The following KLRD1 variants were observed in gnomAD, a reference collection of about 807,000 sequenced individuals.
KLRD1 encodes killer cell lectin like receptor D1.
In KLRD1, 21 loss-of-function variants were observed where a neutral mutation model predicts 22.6. The ratio of observed to expected loss-of-function variants is 0.93; its 90% CI spans 0.66 to 1.34. The LOEUF is 1.34. Among genes scored for constraint, KLRD1 ranks in the 40% most tolerant of loss-of-function variants. The probability of loss-of-function intolerance (pLI) is 0.00; values close to 1 mark genes in which losing one functional copy is unlikely to be tolerated. For synonymous variants in KLRD1, 59 were observed against 71.1 expected (o/e 0.83, Z 0.85); for missense variants, 183 against 208.6 (o/e 0.88, Z 0.76).
rs778429778 is a variant in KLRD1, at chr12:10,315,417, TC to T, written c.*627del. ...CTGGGATTATAGGTGTGAACCACCA[TC>T]CCTGGCCCTCTTCACATTCTTGTAT... On this transcript the variant is annotated 3_prime_UTR_variant, in exon 6 of 6. Transcript: ENST00000336164. The T allele has an allele frequency of 1.2e-4, 27 of 221,712 alleles. No individual in the cohort carries two copies. Among genetic ancestry groups the T allele is most frequent in the Non-Finnish European group, 1.4e-4 (15 of 107,652 alleles). 13.7% of individuals were successfully genotyped at this position (221,712 alleles called of 1,614,324 possible).
At chr12:10,286,376 T>C (rs1949702755) in intron 1 of KLRD1, among the ~76,000 whole-genome samples, 1 of 152,226 alleles carries the variant, frequency 6.6e-6, no homozygotes, top group African/African-American at 2.4e-5. Flanking sequence ...TTAAATACCC[T>C]ATATGTTTAT....
upstream of KLRD1, among the ~76,000 whole-genome samples, chr12:10,303,535 A>G (rs1031500202): frequency 6.6e-6 from 1 of 152,202 alleles, no homozygotes; most frequent in Non-Finnish European, 1.5e-5. Flanking sequence ...AGATAATTTT[A>G]CTAATATAGA....
At chr12:10,295,700 CAG>C (rs1477507739) in intron 1 of KLRD1, among the ~76,000 whole-genome samples, 2 of 151,874 alleles carry the variant, frequency 1.3e-5, no homozygotes, top group African/African-American at 4.8e-5. Flanking sequence ...GTAAATAAAA[CAG>C]AAACATTTAC....
chr12:10,324,816 G>A lies in KLRD1; in HGVS notation c.*10023G>A, dbSNP rs372914611. 32 of 16,594 alleles carry A rather than the reference G, an allele frequency of 1.9e-3. No homozygotes were observed. Among genetic ancestry groups the A allele is most frequent in the Non-Finnish European group, 7.4e-3 (23 of 3,108 alleles). 1.0% of individuals were successfully genotyped at this position (16,594 alleles called of 1,614,324 possible). ...TAAGTATATATGTATATGTGTGTGT[G>A]TGTATATATATATATATATATATAT... On this transcript the variant is annotated 3_prime_UTR_variant, in exon 6 of 6. Coordinates refer to ENST00000336164, the MANE Select transcript of KLRD1 (RefSeq NM_002262.5).
intron 1 of KLRD1, among the ~76,000 whole-genome samples, chr12:10,254,047 A>T (rs1949369074): frequency 6.6e-6 from 1 of 152,192 alleles, no homozygotes; most frequent in Admixed American, 6.5e-5. Flanking sequence ...AGATTTCGTG[A>T]CAAAGACACC....
chr12:10,299,259 A>G (rs9804977), intron 1 of KLRD1, among the ~76,000 whole-genome samples: 5,431 of 152,048 alleles, frequency 0.036, 328 homozygotes, highest in African/African-American at 0.12. Flanking sequence ...TGACCTTGAC[A>G]AGGAACAGAG....
chr12:10,266,258 A>G (rs1477013125), intron 1 of KLRD1, among the ~76,000 whole-genome samples: 3 of 152,202 alleles, frequency 2.0e-5, no homozygotes, highest in African/African-American at 7.2e-5. Context: ...GTAAAATATA[A>G]GTAAAATATA....
intron 1 of KLRD1, among the ~76,000 whole-genome samples, chr12:10,297,873 T>A (rs1418089825): frequency 6.6e-6 from 1 of 152,214 alleles, no homozygotes; most frequent in African/African-American, 2.4e-5. Flanking sequence ...AAATATATAA[T>A]CTATGCTCTG....
At position 10,316,108 on chromosome 12, in the gene KLRD1, A is replaced by G. The variant is rs1950219767; in HGVS notation, c.*1315A>G. The G allele has an allele frequency of 8.9e-6, 1 of 111,980 alleles. No homozygotes were observed. The highest frequency in any genetic ancestry group is 1.7e-5 in the Non-Finnish European group (1 of 59,750). 6.9% of individuals were successfully genotyped at this position (111,980 alleles called of 1,614,324 possible). A position where few individuals can be genotyped will look rare whatever the true frequency, so the allele number is the denominator to read the frequency against. ...ACTCCAGCCTGGGTGACAGAGCCAG[A>G]CTCCTCTCCAAAAAAAAAAAAAAAA... On this transcript the variant is annotated 3_prime_UTR_variant, in exon 6 of 6. Coordinates refer to ENST00000336164, the MANE Select transcript of KLRD1 (RefSeq NM_002262.5).
At chr12:10,283,633 G>A (rs1949668057) in intron 1 of KLRD1, among the ~76,000 whole-genome samples, 1 of 151,988 alleles carries the variant, frequency 6.6e-6, no homozygotes, top group Admixed American at 6.6e-5. Flanking sequence ...AAAATAACAG[G>A]CTTCTCCCCT....
At chr12:10,256,779 T>C in intron 1 of KLRD1, among the ~76,000 whole-genome samples, 1 of 152,076 alleles carries the variant, frequency 6.6e-6, no homozygotes, top group Non-Finnish European at 1.5e-5. Flanking sequence ...CTGATGCATT[T>C]ATCTTTACCA....
In KLRD1 at chr12:10,286,662, CTT is replaced by C. The variant is rs747241701; in HGVS notation, c.-100-21290_-100-21289del. On this transcript the variant is annotated intron_variant, in intron 1 of 5. Transcript: ENST00000544747. Reference sequence around the variant, plus strand: ...TCATCATTTTATTTCGCTTATGGTGCTTTTTTTTTTTTTTTTTTTTTTTTTTT... The same window carrying C: ...TCATCATTTTATTTCGCTTATGGTGCTTTTTTTTTTTTTTTTTTTTTTTTT... 3.7e-3 allele frequency among the ~76,000 whole-genome samples: 204 copies of C among 54,774 alleles called. 1 individual carries two copies. Among genetic ancestry groups the C allele is most frequent in the African/African-American group, 0.015 (196 of 12,912 alleles). 35.9% of individuals were successfully genotyped at this position (54,774 alleles called of 152,430 possible).
intron 1 of KLRD1, among the ~76,000 whole-genome samples, chr12:10,292,433 A>G (rs1949778894): frequency 6.6e-6 from 1 of 152,240 alleles, no homozygotes; most frequent in African/African-American, 2.4e-5. Flanking sequence ...GGACTGCCGA[A>G]TGGATATTGT....
In KLRD1 at chr12:10,248,527, T is replaced by C. The variant is rs7137304; in HGVS notation, c.-101+22294T>C. 5.9e-3 allele frequency among the ~76,000 whole-genome samples: 718 copies of C among 121,158 alleles called. 11 individuals are homozygous for C. Among genetic ancestry groups the C allele is most frequent in the African/African-American group, 0.029 (617 of 21,610 alleles). 79.5% of individuals were successfully genotyped at this position (121,158 alleles called of 152,430 possible). A position where few individuals can be genotyped will look rare whatever the true frequency, so the allele number is the denominator to read the frequency against. On this transcript the variant is annotated intron_variant, in intron 1 of 5. Transcript: ENST00000544747. ...AAATCAGTTTTATTTAAATGTATTT[T>C]CTTTTCCTTCCTTCCTTCCTTCCTT...
chr12:10,240,596 A>G (rs1224315508), intron 1 of KLRD1, among the ~76,000 whole-genome samples: 1 of 152,098 alleles, frequency 6.6e-6, no homozygotes, highest in East Asian at 1.9e-4. Context: ...TGTGCCCATC[A>G]CCCAGCTTCA....
At chr12:10,296,934 C>T (rs969868038) in intron 1 of KLRD1, among the ~76,000 whole-genome samples, 22 of 152,300 alleles carry the variant, frequency 1.4e-4, no homozygotes, top group Admixed American at 4.6e-4. Context: ...GAAGATGGCT[C>T]TGCTTTCTCC....
At chr12:10,281,198 G>A (rs937344170) in intron 1 of KLRD1, among the ~76,000 whole-genome samples, 4 of 152,142 alleles carry the variant, frequency 2.6e-5, no homozygotes, top group South Asian at 4.1e-4. Context: ...GTGCAATCAT[G>A]GGAACAGAAG....
chr12:10,309,324 C>G (rs1949998412), intron 1 of KLRD1, 64 bp from the exon 2 acceptor site: 1 of 763,444 alleles, frequency 1.3e-6, no homozygotes, highest in Non-Finnish European at 2.3e-6. Flanking sequence ...CTAGTTTCTG[C>G]TTTTAAGAAC....
chr12:10,280,902 T>C (rs1486119266), intron 1 of KLRD1, among the ~76,000 whole-genome samples: 1 of 152,116 alleles, frequency 6.6e-6, no homozygotes, highest in East Asian at 1.9e-4. Flanking sequence ...TGTGTGAATG[T>C]TTCTTGTAGG....
Sources: allele counts gnomAD v4.1 joint callset (sites outside exome capture counted in the v4.1 genomes callset), GRCh38; gene constraint gnomAD v4.1.1; transcripts MANE v1.5; gene names NCBI Gene and HGNC (gene_info 2026-07-23, HGNC 2026-07-21).